FYB1: variants seen among roughly 807,000 people sequenced by gnomAD.
FYB1 encodes FYN binding protein 1.
Under a neutral mutation model 94.1 loss-of-function variants are expected in FYB1, and 41 were observed. That is an observed-to-expected ratio of 0.44 (90% confidence interval 0.34 to 0.57). The LOEUF (loss-of-function observed/expected upper bound fraction) is 0.57. Ranked by LOEUF, FYB1 falls within the 20% of genes least tolerant of loss-of-function variation. The pLI is 0.02. For missense variants in FYB1, 1,050 were observed against 976.8 expected (o/e 1.07, Z -1.00); for synonymous variants, 367 against 353.2 (o/e 1.04, Z -0.44).
At chr5:39,244,619 T>C (rs1173793782) in intron 1 of FYB1, among the ~76,000 whole-genome samples, 1 of 150,436 alleles carries the variant, frequency 6.6e-6, no homozygotes, top group Admixed American at 6.6e-5. Flanking sequence ...GTTGTGTCTC[T>C]GCCAGGCTTT....
At chr5:39,153,040 T>C (rs1864215) in intron 3 of FYB1, among the ~76,000 whole-genome samples, 18 of 152,168 alleles carry the variant, frequency 1.2e-4, no homozygotes, top group African/African-American at 4.1e-4. Context: ...AGAGATGATA[T>C]ATGTAAAAGT....
chr5:39,114,409 T>A (rs537895696), intron 16 of FYB1, among the ~76,000 whole-genome samples: 1 of 152,216 alleles, frequency 6.6e-6, no homozygotes, highest in Non-Finnish European at 1.5e-5. Flanking sequence ...AAGTGGCTGA[T>A]GTCCCACTGC....
intron 18 of FYB1, among the ~76,000 whole-genome samples, chr5:39,107,714 G>A (rs1738655381): frequency 6.6e-6 from 1 of 151,842 alleles, no homozygotes; most frequent in African/African-American, 2.4e-5. Context: ...TATTTTATGT[G>A]GCACTTAGTC....
At position 39,122,511 on chromosome 5, in the gene FYB1, G is replaced by A. The variant is rs144170099; in HGVS notation, c.2072-109C>T. The A allele has an allele frequency of 3.1e-5, 21 of 670,200 alleles. No homozygotes were observed. The African/African-American group carries it at 3.3e-4, about 11-fold the overall frequency. 41.5% of individuals were successfully genotyped at this position (670,200 alleles called of 1,614,324 possible). A position where few individuals can be genotyped will look rare whatever the true frequency, so the allele number is the denominator to read the frequency against. On this transcript the variant is annotated intron_variant, in intron 13 of 18. Coordinates refer to ENST00000512982, the MANE Select transcript of FYB1 (RefSeq NM_001465.6). ...GATTGCTTCAAGGACAATAAAATAA[G>A]TTGTCCTAGTGTCTCGGTAAATTTC...
At chr5:39,248,699 T>G (rs777472682) in intron 1 of FYB1, among the ~76,000 whole-genome samples, 3 of 152,092 alleles carry the variant, frequency 2.0e-5, no homozygotes, top group Non-Finnish European at 4.4e-5. Context: ...TAGCTGGGCA[T>G]GATGGTGCAC....
chr5:39,212,212 G>T (rs1749459828), intron 1 of FYB1, among the ~76,000 whole-genome samples: 1 of 152,236 alleles, frequency 6.6e-6, no homozygotes, highest in African/African-American at 2.4e-5. Flanking sequence ...GGAGGCTGGG[G>T]TGGGATGATT....
chr5:39,247,580 C>G (rs1234760837), intron 1 of FYB1, among the ~76,000 whole-genome samples: 1 of 151,958 alleles, frequency 6.6e-6, no homozygotes, highest in African/African-American at 2.4e-5. Context: ...AAAATCTCAC[C>G]AAATAAAGGA....
Position 39,247,674 on chromosome 5 carries a change from T to A in FYB1, c.-28+26729A>T, listed in dbSNP as rs835187. 4.5e-4 allele frequency among the ~76,000 whole-genome samples: 69 copies of A among 152,072 alleles called. 1 individual carries two copies. The highest frequency in any genetic ancestry group is 1.5e-3 in the African/African-American group (63 of 41,396). On this transcript the variant is annotated intron_variant, in intron 1 of 1. Coordinates refer to the FYB1 transcript ENST00000510188. The stretch of plus-strand genomic sequence containing the variant: ...ATATTTATAGCCATTTTTCTTTATA[T>A]GTCAATTGTGACATTTCACCATTTT...
rs1306611885 is a variant in FYB1, at chr5:39,105,578, G to A, written c.*1865C>T. 1 of 152,170 alleles carries A rather than the reference G, an allele frequency of 6.6e-6. No homozygotes were observed. Among genetic ancestry groups the A allele is most frequent in the Non-Finnish European group, 1.5e-5 (1 of 68,032 alleles). The allele number at this position is 152,170 out of a possible 1,614,324, so 9.4% of individuals were successfully genotyped here. The stretch of plus-strand genomic sequence containing the variant: ...CCCAATGAAGGCAGGAGGAGGGATG[G>A]CTGGAAGTGTCTCAGGGCACTCTGA... On this transcript the variant is annotated 3_prime_UTR_variant, in exon 19 of 19. Coordinates refer to ENST00000512982, the MANE Select transcript of FYB1 (RefSeq NM_001465.6).
chr5:39,125,711 G>A (rs894036440), intron 12 of FYB1, among the ~76,000 whole-genome samples: 1 of 151,920 alleles, frequency 6.6e-6, no homozygotes, highest in African/African-American at 2.4e-5. Context: ...AGCGTGAGAG[G>A]GTATGTGTGC....
At chr5:39,225,288 A>C (rs988389157) in intron 1 of FYB1, among the ~76,000 whole-genome samples, 20 of 152,204 alleles carry the variant, frequency 1.3e-4, no homozygotes, top group African/African-American at 4.8e-4. Context: ...TTGACAGAGC[A>C]TTAGGCTGGG....
At chr5:39,180,923 A>T (rs903510524) in intron 2 of FYB1, among the ~76,000 whole-genome samples, 5 of 152,244 alleles carry the variant, frequency 3.3e-5, no homozygotes, top group African/African-American at 1.2e-4. Context: ...ATTATATAAA[A>T]GATTACTTTT....
intron 7 of FYB1, among the ~76,000 whole-genome samples, chr5:39,136,303 T>C (rs1741674465): frequency 6.6e-6 from 1 of 151,774 alleles, no homozygotes; most frequent in African/African-American, 2.4e-5. Context: ...TCTCCTGAAC[T>C]CATGATCCAC....
intron 2 of FYB1, among the ~76,000 whole-genome samples, chr5:39,182,977 G>A (rs1290331610): frequency 6.6e-6 from 1 of 152,192 alleles, no homozygotes; most frequent in Non-Finnish European, 1.5e-5. Context: ...AGTTGACAAA[G>A]TTTGTCTTCA....
chr5:39,257,138 T>C (rs1359190449), intron 1 of FYB1, among the ~76,000 whole-genome samples: 1 of 152,264 alleles, frequency 6.6e-6, no homozygotes, highest in African/African-American at 2.4e-5. Flanking sequence ...TGTTGGCTTA[T>C]CAGTTTCTGT....
At chr5:39,190,360 C>A (rs1747245132) in intron 2 of FYB1, among the ~76,000 whole-genome samples, 1 of 152,198 alleles carries the variant, frequency 6.6e-6, no homozygotes, top group Middle Eastern at 3.4e-3. Flanking sequence ...TGGTTGGGGG[C>A]AGGTGATGGA....
intron 3 of FYB1, among the ~76,000 whole-genome samples, chr5:39,151,416 A>C (rs568841346): frequency 6.6e-6 from 1 of 152,142 alleles, no homozygotes; most frequent in South Asian, 2.1e-4. Flanking sequence ...CAGCCTCCTG[A>C]GTATCTGGGT....
intron 2 of FYB1, chr5:39,169,756 G>A: frequency 2.1e-6 from 1 of 484,120 alleles, no homozygotes; most frequent in Non-Finnish European, 4.1e-6. Context: ...TTAGGTGTTG[G>A]GATGTGCTCA....
At chr5:39,205,611 C>G (rs936174147) in intron 1 of FYB1, among the ~76,000 whole-genome samples, 1 of 152,098 alleles carries the variant, frequency 6.6e-6, no homozygotes, top group Non-Finnish European at 1.5e-5. Context: ...AATACCCTAG[C>G]CCATGATCAA....
Sources: allele counts gnomAD v4.1 joint callset (sites outside exome capture counted in the v4.1 genomes callset), GRCh38; gene constraint gnomAD v4.1.1; transcripts MANE v1.5; gene names NCBI Gene and HGNC (gene_info 2026-07-23, HGNC 2026-07-21).